The following CLMP variants were observed in gnomAD, a reference collection of about 807,000 sequenced individuals.
CLMP encodes CXADR-like membrane protein.
A neutral mutation model predicts 45.2 loss-of-function variants in CLMP; 27 were observed. The ratio of observed to expected loss-of-function variants is 0.60; its 90% CI spans 0.44 to 0.82. The LOEUF is 0.82. Among genes scored for constraint, CLMP ranks in the 40% least tolerant of loss-of-function variants. CLMP has a pLI of 0.00. For missense variants in CLMP, 403 were observed against 448.4 expected, an observed-to-expected ratio of 0.90 and a Z score of 0.91; for synonymous variants, 167 against 171.4, an observed-to-expected ratio of 0.97 and a Z score of 0.20.
In CLMP at chr11:123,083,076, G is replaced by A. The variant is rs181704478; in HGVS notation, c.679+9C>T. 4 of 1,612,840 alleles carry A rather than the reference G, an allele frequency of 2.5e-6. No individual in the cohort carries two copies. The highest frequency in any genetic ancestry group is 3.4e-6 in the Non-Finnish European group (4 of 1,179,668). ...GAAAAATGAAACTAAAACCTCTTTG[G>A]ATGCTTACACTGTACAGTTACTCGC... On this transcript the variant is annotated intron_variant, in intron 5 of 6. Coordinates refer to ENST00000448775, the MANE Select transcript of CLMP (RefSeq NM_024769.5).
rs879847423 is a variant in CLMP at position 123,150,523 on chromosome 11, GGAAGGAAAGAAA to G, written c.28+44378_28+44389del. 1.3e-3 allele frequency among the ~76,000 whole-genome samples: 161 copies of G among 120,992 alleles called. 1 individual carries two copies. The highest frequency in any genetic ancestry group is 9.4e-3 in the South Asian group (29 of 3,086). The allele number at this position is 120,992 out of a possible 152,430, so 79.4% of individuals were successfully genotyped here. Reference sequence around the variant, plus strand: ...AGGAAGGAAGGAAGGAAGGAAGGAAGGAAGGAAAGAAACAAGCAAGGAAGGAAGGAAGGAAGG... The same window carrying G: ...AGGAAGGAAGGAAGGAAGGAAGGAAGCAAGCAAGGAAGGAAGGAAGGAAGG... On this transcript the variant is annotated intron_variant, in intron 1 of 6. Transcript: ENST00000448775.
intron 1 of CLMP, among the ~76,000 whole-genome samples, chr11:123,109,059 C>CAAAAAAAAAAAAAAAAAAA (rs776811883): frequency 4.7e-5 from 3 of 64,256 alleles, no homozygotes; most frequent in Non-Finnish European, 6.1e-5. Context: ...AACTCTGTCT[C>CAAAAAAAAAAAAAAAAAAA]AAAAAAAAAA....
rs1860570026 is a variant in CLMP at position 123,107,030 on chromosome 11, A to AT, written c.29-9079_29-9078insA. On this transcript the variant is annotated intron_variant, in intron 1 of 6. Transcript: ENST00000448775. ...CGAGACTCCGTCTCAAAAAAAAAAA[A>AT]AAATAATAATAATAATAATTGTACT... 5.3e-5 allele frequency among the ~76,000 whole-genome samples: 8 copies of AT among 150,898 alleles called. No individual in the cohort carries two copies. The South Asian group carries it at 6.3e-4, about 12-fold the overall frequency.
chr11:123,147,914 G>C (rs1861261442), intron 1 of CLMP, among the ~76,000 whole-genome samples: 2 of 151,390 alleles, frequency 1.3e-5, no homozygotes, highest in South Asian at 4.2e-4. Flanking sequence ...CTGACCTCAA[G>C]AGACCCTCCC....
intron 3 of CLMP, 55 bp downstream of exon 3, chr11:123,084,457 C>G: frequency 2.1e-6 from 3 of 1,451,894 alleles, no homozygotes; most frequent in Non-Finnish European, 2.9e-6. Context: ...ATGGCTATCC[C>G]TCTTAGATAC....
chr11:123,180,911 G>C (rs1056154314), intron 1 of CLMP, among the ~76,000 whole-genome samples: 30 of 152,184 alleles, frequency 2.0e-4, no homozygotes, highest in African/African-American at 7.2e-4. Context: ...TGCCTGGAGA[G>C]AAGGTCTCTA....
rs1226425248 is a variant in CLMP, at chr11:123,146,953, CT to C, written c.28+47959del. Among the ~76,000 whole-genome samples the C allele has an allele frequency of 2.6e-5, 4 of 152,316 alleles. No individual in the cohort carries two copies. The East Asian group carries it at 7.7e-4, about 29-fold the overall frequency. ...AGGCATGTTTGATCCCTCGCTCTTCCTTTGCTTCACATTCAGCCAGCCCTGG... is the reference window on the plus strand; with the variant it reads ...AGGCATGTTTGATCCCTCGCTCTTCCTTGCTTCACATTCAGCCAGCCCTGG... On this transcript the variant is annotated intron_variant, in intron 1 of 6. Coordinates refer to ENST00000448775, the MANE Select transcript of CLMP (RefSeq NM_024769.5).
chr11:123,188,332 G>A (rs571820369), intron 1 of CLMP, among the ~76,000 whole-genome samples: 6 of 152,224 alleles, frequency 3.9e-5, no homozygotes, highest in African/African-American at 1.4e-4. Context: ...GAAATAGAAC[G>A]CGCTCAGAGG....
At chr11:123,125,601 TTTTC>T (rs564396879) in intron 1 of CLMP, among the ~76,000 whole-genome samples, 6,464 of 133,050 alleles carry the variant, frequency 0.049, 196 homozygotes, top group Middle Eastern at 0.089. Context: ...TCTTCTTTTC[TTTTC>T]TTTCTTTCTT....
intron 1 of CLMP, 75 bp from the exon 2 acceptor site, chr11:123,098,027 G>A (rs519179): frequency 1.6e-6 from 2 of 1,254,226 alleles, no homozygotes; most frequent in Non-Finnish European, 2.1e-6. Context: ...TGACAACAAA[G>A]AATTATGGGA....
At chr11:123,156,263 C>T (rs977265936) in intron 1 of CLMP, among the ~76,000 whole-genome samples, 2 of 152,194 alleles carry the variant, frequency 1.3e-5, no homozygotes, top group East Asian at 3.9e-4. Context: ...TTGTCAGCAC[C>T]TTGCTTATGA....
chr11:123,130,045 C>T (rs896911416), intron 1 of CLMP, among the ~76,000 whole-genome samples: 1 of 152,032 alleles, frequency 6.6e-6, no homozygotes, highest in African/African-American at 2.4e-5. Flanking sequence ...AGAGAAGACT[C>T]TGCCCACACT....
At chr11:123,115,015 C>A (rs1860701353) in intron 1 of CLMP, among the ~76,000 whole-genome samples, 1 of 152,088 alleles carries the variant, frequency 6.6e-6, no homozygotes, top group Non-Finnish European at 1.5e-5. Context: ...AAAGCTTTCA[C>A]CTTCATGTTT....
At chr11:123,165,677 A>C (rs1474417817) in intron 1 of CLMP, among the ~76,000 whole-genome samples, 1 of 152,138 alleles carries the variant, frequency 6.6e-6, no homozygotes, top group African/African-American at 2.4e-5. Context: ...GACTTGCTAG[A>C]AATTCACCGA....
chr11:123,167,126 G>T (rs760131571), intron 1 of CLMP, among the ~76,000 whole-genome samples: 1 of 152,082 alleles, frequency 6.6e-6, no homozygotes, highest in African/African-American at 2.4e-5. Flanking sequence ...GAGTGATAGC[G>T]ATTACTATCA....
At chr11:123,168,201 C>T (rs1308680758) in intron 1 of CLMP, among the ~76,000 whole-genome samples, 1 of 148,456 alleles carries the variant, frequency 6.7e-6, no homozygotes, top group Non-Finnish European at 1.5e-5. Flanking sequence ...CACCCCAGGT[C>T]CACTAAGTGG....
intron 4 of CLMP, among the ~76,000 whole-genome samples, chr11:123,083,418 T>C (rs1282079304): frequency 6.6e-6 from 1 of 152,188 alleles, no homozygotes; most frequent in Non-Finnish European, 1.5e-5. Flanking sequence ...ATTGTGAACA[T>C]TTAAGGGATA....
chr11:123,192,225 T>C (rs1219970727), intron 1 of CLMP, among the ~76,000 whole-genome samples: 1 of 152,196 alleles, frequency 6.6e-6, no homozygotes, highest in Non-Finnish European at 1.5e-5. Context: ...AATGACATTA[T>C]GTAAAGTCTT....
intron 1 of CLMP, among the ~76,000 whole-genome samples, chr11:123,165,879 C>T (rs917318996): frequency 9.2e-5 from 14 of 152,154 alleles, no homozygotes; most frequent in African/African-American, 2.2e-4. Flanking sequence ...GTAGAGAGGC[C>T]GGCCTTCCCA....
Sources: allele counts gnomAD v4.1 joint callset (sites outside exome capture counted in the v4.1 genomes callset), GRCh38; gene constraint gnomAD v4.1.1; transcripts MANE v1.5; gene names NCBI Gene and HGNC (gene_info 2026-07-23, HGNC 2026-07-21).